Variants in MAPK10 observed in about 807,000 individuals in gnomAD.
MAPK10 encodes the protein JNK3 alpha protein kinase.
A neutral mutation model predicts 59.3 loss-of-function variants in MAPK10; 25 were observed. The ratio of observed to expected loss-of-function variants is 0.42; its 90% CI spans 0.31 to 0.59. MAPK10 has a LOEUF of 0.59. Ranked by LOEUF, MAPK10 falls within the 20% of genes least tolerant of loss-of-function variation. MAPK10 has a pLI of 0.15. For synonymous variants in MAPK10, 190 were observed against 200.5 expected, an observed-to-expected ratio of 0.95 and a Z score of 0.44; for missense variants, 351 against 568.9, an observed-to-expected ratio of 0.62 and a Z score of 3.90.
At chr4:86,362,851 C>T (rs1195486331), upstream of MAPK10, among the ~76,000 whole-genome samples, 3 of 152,158 alleles carry the variant, frequency 2.0e-5, no homozygotes, top group East Asian at 5.8e-4. Context: ...GGTAGGAGTA[C>T]AAAATGTTAA....
intron 11 of MAPK10, among the ~76,000 whole-genome samples, chr4:86,059,958 G>A (rs756488645): frequency 3.3e-5 from 5 of 152,112 alleles, no homozygotes; most frequent in Non-Finnish European, 7.4e-5. Context: ...ATTCCAAAAT[G>A]CCAGCTGCCC....
intron 2 of MAPK10, among the ~76,000 whole-genome samples, chr4:86,247,618 G>T (rs960093569): frequency 4.0e-5 from 6 of 151,052 alleles, no homozygotes; most frequent in Admixed American, 4.0e-4. Context: ...ATAGGTGATG[G>T]TGCTATAATA....
chr4:86,060,986 A>G (rs2045653081), intron 11 of MAPK10, among the ~76,000 whole-genome samples: 1 of 152,140 alleles, frequency 6.6e-6, no homozygotes, highest in East Asian at 1.9e-4. Context: ...TAGTAATAGT[A>G]ATTATAAGTA....
intron 7 of MAPK10, chr4:86,101,550 C>T (rs891422840): frequency 2.7e-6 from 1 of 376,924 alleles, no homozygotes; most frequent in Non-Finnish European, 4.8e-6. Flanking sequence ...CTAGGCCTGA[C>T]AGAAGAACAG....
chr4:86,202,039 C>CA (rs1419908933), intron 2 of MAPK10, among the ~76,000 whole-genome samples: 1 of 151,750 alleles, frequency 6.6e-6, no homozygotes, highest in African/African-American at 2.4e-5. Flanking sequence ...TTTAAAGAGG[C>CA]AATTATATTT....
At chr4:86,174,437 G>A (rs2075194321) in intron 3 of MAPK10, among the ~76,000 whole-genome samples, 2 of 152,102 alleles carry the variant, frequency 1.3e-5, no homozygotes, top group Admixed American at 1.3e-4. Flanking sequence ...TGGACGCAGG[G>A]AGGGGAACAA....
chr4:86,060,183 T>C (rs1478646972), intron 11 of MAPK10, among the ~76,000 whole-genome samples: 1 of 152,190 alleles, frequency 6.6e-6, no homozygotes, highest in Non-Finnish European at 1.5e-5. Flanking sequence ...AATTGAGGAA[T>C]CATGAAGTGT....
chr4:86,042,878 G>T (rs986378319), intron 11 of MAPK10, among the ~76,000 whole-genome samples: 4 of 152,110 alleles, frequency 2.6e-5, no homozygotes, highest in African/African-American at 9.7e-5. Flanking sequence ...AATGCAAATT[G>T]ATTAAATTTT....
In MAPK10 at chr4:86,586,117, T is replaced by TACATGGCTA. The variant is rs2149114899; in HGVS notation, c.-263+7792_-263+7793insTAGCCATGT. 2.0e-5 allele frequency among the ~76,000 whole-genome samples: 3 copies of TACATGGCTA among 152,338 alleles called. No homozygotes were observed. In the East Asian group the frequency reaches 5.8e-4, roughly 29 times the overall value. On this transcript the variant is annotated intron_variant, in intron 1 of 4. Coordinates refer to the MAPK10 transcript ENST00000502302. ...TAGAGCATATTCACATTAAATTACT[T>TACATGGCTA]AGTATATGTTCTAACATGGCTAAGT...
At chr4:86,249,979 G>A (rs2093330651) in intron 2 of MAPK10, among the ~76,000 whole-genome samples, 1 of 152,148 alleles carries the variant, frequency 6.6e-6, no homozygotes, top group African/African-American at 2.4e-5. Flanking sequence ...AAAGCCTCAT[G>A]TCTAAAAAGG....
chr4:86,364,216 T>A (rs1306747617), upstream of MAPK10, among the ~76,000 whole-genome samples: 1 of 152,142 alleles, frequency 6.6e-6, no homozygotes, highest in Non-Finnish European at 1.5e-5. Flanking sequence ...AGCCTCAACC[T>A]CCCAGGCTCA....
intron 1 of MAPK10, among the ~76,000 whole-genome samples, chr4:86,438,750 A>T (rs1371859592): frequency 2.0e-5 from 3 of 151,204 alleles, no homozygotes; most frequent in African/African-American, 7.3e-5. Context: ...AAAGAAATTG[A>T]GGGGGCCAGT....
At chr4:86,260,382 A>C (rs2093939141) in intron 2 of MAPK10, among the ~76,000 whole-genome samples, 1 of 152,134 alleles carries the variant, frequency 6.6e-6, no homozygotes, top group African/African-American at 2.4e-5. Context: ...ATAAATTGCT[A>C]AACTTCCAAC....
At chr4:86,055,551 G>C (rs1309784325) in intron 11 of MAPK10, among the ~76,000 whole-genome samples, 1 of 149,724 alleles carries the variant, frequency 6.7e-6, no homozygotes, top group Admixed American at 6.6e-5. Flanking sequence ...AAGTAAAAAT[G>C]GGGAAACTTA....
chr4:86,413,693 A>G lies in MAPK10; in HGVS notation c.-122+39337T>C, dbSNP rs189715503. Among the ~76,000 whole-genome samples, 368 of 152,320 alleles carry G rather than the reference A, an allele frequency of 2.4e-3. 3 individuals carry two copies. Among genetic ancestry groups the G allele is most frequent in the African/African-American group, 8.7e-3 (360 of 41,576 alleles). ...TCAGACTGCTGCGCTAGCAGTGAGCAAGCCTCCATGTGCATGGGACCCGCC... is the reference window on the plus strand; with the variant it reads ...TCAGACTGCTGCGCTAGCAGTGAGCGAGCCTCCATGTGCATGGGACCCGCC... On this transcript the variant is annotated intron_variant, in intron 1 of 13. Transcript: ENST00000361569.
intron 2 of MAPK10, among the ~76,000 whole-genome samples, chr4:86,313,990 C>T (rs1376691418): frequency 6.7e-6 from 1 of 149,372 alleles, no homozygotes; most frequent in African/African-American, 2.4e-5. Flanking sequence ...CACAAGGAAT[C>T]CTACAAGCAA....
intron 2 of MAPK10, among the ~76,000 whole-genome samples, chr4:86,267,840 C>T (rs1193137099): frequency 6.6e-6 from 1 of 152,168 alleles, no homozygotes; most frequent in Non-Finnish European, 1.5e-5. Flanking sequence ...TCAGCACTCT[C>T]CCTTCCTCTT....
At chr4:86,483,654 A>G (rs1753768773) in intron 1 of MAPK10, among the ~76,000 whole-genome samples, 2 of 152,132 alleles carry the variant, frequency 1.3e-5, no homozygotes, top group Admixed American at 6.5e-5. Context: ...CAGATTCTAT[A>G]CCTCCAATTA....
chr4:86,160,341 T>C (rs555983995), intron 3 of MAPK10: 2 of 152,158 alleles, frequency 1.3e-5, no homozygotes, highest in East Asian at 3.9e-4. Context: ...GAATATCATC[T>C]AGCCCATTCC....
Sources: gnomAD v4.1 joint callset for allele counts (sites outside exome capture counted in the v4.1 genomes callset) on GRCh38, gnomAD v4.1.1 for gene constraint, MANE v1.5 for transcripts, NCBI Gene and HGNC (gene_info 2026-07-23, HGNC 2026-07-21) for gene names.